YTHDC2: variants seen among roughly 807,000 people sequenced by gnomAD.
YTHDC2 encodes 3'-5' RNA helicase YTHDC2.
A neutral mutation model predicts 174.9 loss-of-function variants in YTHDC2; 45 were observed. That is an observed-to-expected ratio of 0.26 (90% CI 0.20 to 0.33). The LOEUF is 0.33. Ranked by LOEUF, YTHDC2 falls within the 10% of genes least tolerant of loss-of-function variation. YTHDC2 has a pLI of 1.00. For synonymous variants in YTHDC2, 657 were observed against 574.5 expected (o/e 1.14, Z -2.05); for missense variants, 1,650 against 1,723.7 (o/e 0.96, Z 0.76).
intron 4 of YTHDC2, among the ~76,000 whole-genome samples, chr5:113,529,192 T>G (rs1012028415): frequency 1.3e-5 from 2 of 152,228 alleles, no homozygotes; most frequent in Non-Finnish European, 2.9e-5. Context: ...GTTGTCTCAT[T>G]TCAGCTTCTC....
intron 12 of YTHDC2, among the ~76,000 whole-genome samples, chr5:113,550,440 T>G (rs1314823492): frequency 6.6e-6 from 1 of 152,086 alleles, no homozygotes. Context: ...GGAGGTATAA[T>G]CATAGTATAT....
chr5:113,542,633 A>T (rs1364547831), intron 10 of YTHDC2, 130 bp downstream of exon 10: 3 of 739,424 alleles, frequency 4.1e-6, no homozygotes, highest in Non-Finnish European at 6.1e-6. Context: ...TATTTATTTT[A>T]TTTCAAATGT....
At chr5:113,566,130 A>T (rs1777313352) in intron 21 of YTHDC2, 111 bp downstream of exon 21, 1 of 1,227,660 alleles carries the variant, frequency 8.1e-7, no homozygotes, top group Admixed American at 2.7e-5. Context: ...TGACATTATC[A>T]TGTTGTGTAT....
intron 13 of YTHDC2, 98 bp from the exon 14 acceptor site, chr5:113,553,492 A>AC: frequency 6.9e-7 from 1 of 1,450,158 alleles, no homozygotes; most frequent in Non-Finnish European, 9.5e-7. Context: ...ATGATAGTTT[A>AC]CCAGTACTTG....
intron 20 of YTHDC2, among the ~76,000 whole-genome samples, chr5:113,564,849 T>A (rs1267293269): frequency 6.6e-6 from 1 of 152,232 alleles, no homozygotes; most frequent in East Asian, 1.9e-4. Context: ...AGTCTTGCTC[T>A]GTCACCCAGG....
chr5:113,561,579 TG>T lies in YTHDC2; in HGVS notation c.2322+396del, dbSNP rs1479895904. Among the ~76,000 whole-genome samples the T allele has an allele frequency of 2.0e-5, 3 of 151,548 alleles. 1 individual carries two copies. The South Asian group carries it at 6.2e-4, about 32-fold the overall frequency. On this transcript the variant is annotated intron_variant, in intron 18 of 29. Coordinates refer to ENST00000161863, the MANE Select transcript of YTHDC2 (RefSeq NM_022828.5). ...CACCTCCCGGGTTCAAGCGATTCTCTGGCCTCAGCCTCCCGAGTAGCTGGGA... is the reference window on the plus strand; with the variant it reads ...CACCTCCCGGGTTCAAGCGATTCTCTGCCTCAGCCTCCCGAGTAGCTGGGA...
intron 23 of YTHDC2, among the ~76,000 whole-genome samples, chr5:113,577,103 T>A (rs1778105055): frequency 6.6e-6 from 1 of 152,196 alleles, no homozygotes; most frequent in Non-Finnish European, 1.5e-5. Context: ...TTAGAAAGCT[T>A]GCATGATTGC....
At chr5:113,558,917 G>T (rs796945455) in intron 17 of YTHDC2, among the ~76,000 whole-genome samples, 2 of 98,788 alleles carry the variant, frequency 2.0e-5, no homozygotes, top group Admixed American at 2.2e-4. Context: ...GCAAGACTCC[G>T]TCTCAAAAAA....
At chr5:113,556,401 C>G (rs1243450825) in intron 17 of YTHDC2, 1 of 235,330 alleles carries the variant, frequency 4.2e-6, no homozygotes, top group East Asian at 8.4e-5. Context: ...TAAACATATG[C>G]AATGTAGGAC....
intron 17 of YTHDC2, among the ~76,000 whole-genome samples, chr5:113,559,611 C>T (rs1776827985): frequency 6.6e-6 from 1 of 152,218 alleles, no homozygotes; most frequent in Admixed American, 6.5e-5. Context: ...ATAGCCAACA[C>T]TGTAGATATC....
At chr5:113,540,666 A>G (rs1019930973) in intron 8 of YTHDC2, among the ~76,000 whole-genome samples, 2 of 152,202 alleles carry the variant, frequency 1.3e-5, no homozygotes, top group African/African-American at 2.4e-5. Flanking sequence ...AACTGCCCCC[A>G]TGATCCAATC....
chr5:113,557,785 G>A (rs1776712431), intron 17 of YTHDC2, among the ~76,000 whole-genome samples: 2 of 152,122 alleles, frequency 1.3e-5, no homozygotes, highest in African/African-American at 4.8e-5. Context: ...GAGCGACAGA[G>A]CCAGACACTG....
chr5:113,526,640 T>C lies in YTHDC2; in HGVS notation c.530T>C (p.Ile177Thr), dbSNP rs974529930. The change falls in exon 4 of 30, where the codon ATT becomes ACT. Residue 177 changes from isoleucine to threonine, a missense_variant. Transcript: ENST00000161863. ...SGRLNNGIPQ[I>T]PVKRGESEFD... ...CGACTCAACAATGGCATACCTCAGA[T>C]TCCAGTGAAAAGAGGAGAATCCGAA... 1 of 1,603,874 alleles carries C rather than the reference T, an allele frequency of 6.2e-7. No individual in the cohort carries two copies. The highest frequency in any genetic ancestry group is 1.3e-5 in the African/African-American group (1 of 74,336).
chr5:113,542,013 T>G (rs1456281836), intron 9 of YTHDC2, among the ~76,000 whole-genome samples: 3 of 152,158 alleles, frequency 2.0e-5, no homozygotes, highest in African/African-American at 7.2e-5. Context: ...GGGTGGGACC[T>G]GGCATCAGTA....
At chr5:113,589,220 CCG>C (rs1778853962) in intron 26 of YTHDC2, among the ~76,000 whole-genome samples, 1 of 151,358 alleles carries the variant, frequency 6.6e-6, no homozygotes, top group African/African-American at 2.4e-5. Flanking sequence ...CCACAGGTCA[CCG>C]ATGTTCTCTT....
At chr5:113,531,006 G>C (rs1038173915) in intron 4 of YTHDC2, among the ~76,000 whole-genome samples, 1 of 152,002 alleles carries the variant, frequency 6.6e-6, no homozygotes, top group Non-Finnish European at 1.5e-5. Context: ...CCTTCTCTCC[G>C]CTCTTTTCTT....
At chr5:113,522,738 C>A (rs927939814) in intron 2 of YTHDC2, among the ~76,000 whole-genome samples, 1 of 152,070 alleles carries the variant, frequency 6.6e-6, no homozygotes, top group Non-Finnish European at 1.5e-5. Flanking sequence ...TGTTTCCATC[C>A]TCACAACAAT....
intron 21 of YTHDC2, 51 bp downstream of exon 21, chr5:113,566,070 C>T (rs1777310174): frequency 6.7e-7 from 1 of 1,497,936 alleles, no homozygotes; most frequent in Admixed American, 2.3e-5. Flanking sequence ...AGTACCCTGC[C>T]CATATTTCAT....
At chr5:113,566,622 G>T (rs1777349833) in intron 21 of YTHDC2, among the ~76,000 whole-genome samples, 1 of 151,958 alleles carries the variant, frequency 6.6e-6, no homozygotes, top group South Asian at 2.1e-4. Context: ...GGACTTAAGA[G>T]TTGACTTGAA....
Sources: gnomAD v4.1 joint callset for allele counts (sites outside exome capture counted in the v4.1 genomes callset) on GRCh38, gnomAD v4.1.1 for gene constraint, MANE v1.5 for transcripts, NCBI Gene and HGNC (gene_info 2026-07-23, HGNC 2026-07-21) for gene names.